Variants in IGBP1C observed in about 807,000 individuals in gnomAD.
IGBP1C encodes the protein IGBP1 family member C.
At chr17:58,664,870 G>GTAC in the IGBP1C span, among the ~76,000 whole-genome samples, 10 of 152,232 alleles carry the variant, frequency 6.6e-5, no homozygotes, top group African/African-American at 2.4e-4. Context: ...TGTGCCTGTG[G>GTAC]TACGTAACAG....
At chr17:58,670,512 G>A in the IGBP1C span, among the ~76,000 whole-genome samples, 2 of 151,812 alleles carry the variant, frequency 1.3e-5, no homozygotes, top group Non-Finnish European at 1.5e-5. Context: ...CGTGGCTCAC[G>A]CTTGTAATCC....
the IGBP1C span, among the ~76,000 whole-genome samples, chr17:58,685,449 A>G: frequency 6.6e-6 from 1 of 151,768 alleles, no homozygotes; most frequent in African/African-American, 2.4e-5. Flanking sequence ...AAAAAAAAAA[A>G]AGAATGTCAG....
chr17:58,690,706 CCAACCA>C, the IGBP1C span, among the ~76,000 whole-genome samples: 1 of 152,162 alleles, frequency 6.6e-6, no homozygotes, highest in East Asian at 1.9e-4. Flanking sequence ...GGTTGAGTGG[CCAACCA>C]CATTTTGGCC....
At chr17:58,689,287 T>C in the IGBP1C span, among the ~76,000 whole-genome samples, 2 of 151,100 alleles carry the variant, frequency 1.3e-5, no homozygotes, top group East Asian at 3.9e-4. Flanking sequence ...AGTGGCCTGA[T>C]CTCACTCACT....
the IGBP1C span, among the ~76,000 whole-genome samples, chr17:58,672,099 T>G: frequency 1.3e-5 from 2 of 152,166 alleles, no homozygotes; most frequent in African/African-American, 4.8e-5. Context: ...ATAAGGAGTG[T>G]GCAACCTAGA....
chr17:58,678,164 A>T, the IGBP1C span, among the ~76,000 whole-genome samples: 31 of 152,128 alleles, frequency 2.0e-4, no homozygotes, highest in African/African-American at 7.5e-4. Context: ...GGGAAAAAAA[A>T]GGGAAGTTTT....
At chr17:58,660,758 A>G in the IGBP1C span, 2 of 780,962 alleles carry the variant, frequency 2.6e-6, no homozygotes, top group Non-Finnish European at 4.8e-6. Context: ...ATCTGGTAAC[A>G]CTCCATGTTT....
the IGBP1C span, among the ~76,000 whole-genome samples, chr17:58,688,519 T>C: frequency 6.6e-6 from 1 of 152,244 alleles, no homozygotes; most frequent in Admixed American, 6.5e-5. Context: ...ATTAGAATGC[T>C]GTAAAAACTG....
the IGBP1C span, among the ~76,000 whole-genome samples, chr17:58,664,346 T>G: frequency 1.3e-5 from 2 of 152,196 alleles, no homozygotes; most frequent in Non-Finnish European, 2.9e-5. Context: ...AACAGACCCT[T>G]TTTCCTATGC....
the IGBP1C span, among the ~76,000 whole-genome samples, chr17:58,668,640 G>A: frequency 1.5e-4 from 23 of 152,320 alleles, 1 homozygote. Flanking sequence ...ATGTGCCCAA[G>A]TGGTAGAGAA....
At chr17:58,687,996 T>C in the IGBP1C span, among the ~76,000 whole-genome samples, 610 of 152,336 alleles carry the variant, frequency 4.0e-3, no homozygotes, top group Non-Finnish European at 7.1e-3. Flanking sequence ...GTTTTAGTGA[T>C]CTAGTCTTCA....
the IGBP1C span, among the ~76,000 whole-genome samples, chr17:58,663,356 A>G: frequency 1.4e-5 from 2 of 144,822 alleles, 1 homozygote; most frequent in South Asian, 4.8e-4. Flanking sequence ...TGGGAGGCGG[A>G]GGTTGCAGTA....
chr17:58,687,025 C>T, the IGBP1C span, among the ~76,000 whole-genome samples: 3 of 151,936 alleles, frequency 2.0e-5, no homozygotes, highest in African/African-American at 7.3e-5. Flanking sequence ...AGATGCCCAC[C>T]ACCACACCTG....
At chr17:58,669,438 G>A in the IGBP1C span, among the ~76,000 whole-genome samples, 1 of 151,956 alleles carries the variant, frequency 6.6e-6, no homozygotes, top group African/African-American at 2.4e-5. Context: ...GCTAAAGAAT[G>A]TAACAAGCCA....
the IGBP1C span, among the ~76,000 whole-genome samples, chr17:58,682,916 C>A: frequency 6.6e-6 from 1 of 152,024 alleles, no homozygotes; most frequent in African/African-American, 2.4e-5. Flanking sequence ...AGCCTCATTT[C>A]TTTGATTAGA....
chr17:58,684,920 A>G, the IGBP1C span, among the ~76,000 whole-genome samples: 1 of 152,122 alleles, frequency 6.6e-6, no homozygotes, highest in East Asian at 1.9e-4. Context: ...AGGTTGCAGC[A>G]AGCAGAAATC....
the IGBP1C span, among the ~76,000 whole-genome samples, chr17:58,672,056 C>T: frequency 3.9e-5 from 6 of 152,154 alleles, no homozygotes; most frequent in African/African-American, 9.7e-5. Flanking sequence ...GAAACTGTTC[C>T]ACCTCAGCTC....
chr17:58,674,862 A>G, the IGBP1C span, among the ~76,000 whole-genome samples: 1 of 149,888 alleles, frequency 6.7e-6, no homozygotes, highest in Admixed American at 6.7e-5. Flanking sequence ...AAAGGCAGGT[A>G]GGCCGGGCAC....
the IGBP1C span, among the ~76,000 whole-genome samples, chr17:58,689,865 T>C: frequency 6.7e-5 from 10 of 149,786 alleles, no homozygotes; most frequent in South Asian, 6.4e-4. Flanking sequence ...TTTTTTTTTT[T>C]CTGAGATGGA....
Sources: allele counts gnomAD v4.1 joint callset (sites outside exome capture counted in the v4.1 genomes callset), GRCh38; gene constraint gnomAD v4.1.1; transcripts MANE v1.5; gene names NCBI Gene and HGNC (gene_info 2026-07-23, HGNC 2026-07-21).